Variants in LRRTM4 observed in about 807,000 individuals in gnomAD.
LRRTM4 encodes the protein leucine rich repeat transmembrane neuronal 4, also known as leucine-rich repeat transmembrane neuronal protein 4.
In LRRTM4, 25 loss-of-function variants were observed where a neutral mutation model predicts 47.6. The observed-to-expected ratio is 0.53, with a 90% CI of 0.38 to 0.73. The LOEUF (loss-of-function observed/expected upper bound fraction) is 0.73. Among genes scored for constraint, LRRTM4 ranks in the 30% least tolerant of loss-of-function variants. LRRTM4 has a pLI of 0.00. For synonymous variants in LRRTM4, 311 were observed against 269.5 expected, an observed-to-expected ratio of 1.15 and a Z score of -1.51; for missense variants, 638 against 713.4, an observed-to-expected ratio of 0.89 and a Z score of 1.20.
intron 3 of LRRTM4, among the ~76,000 whole-genome samples, chr2:76,996,672 G>A (rs911443263): frequency 5.3e-5 from 8 of 152,130 alleles, no homozygotes; most frequent in African/African-American, 1.9e-4. Context: ...ACAGTAGGAT[G>A]TTGGGAGGAA....
chr2:76,844,361 T>C (rs1478711741), intron 3 of LRRTM4, among the ~76,000 whole-genome samples: 1 of 152,132 alleles, frequency 6.6e-6, no homozygotes, highest in Non-Finnish European at 1.5e-5. Flanking sequence ...GGTCTCAATC[T>C]CCTGACCTTG....
At chr2:77,239,128 C>T (rs1259027365) in intron 3 of LRRTM4, among the ~76,000 whole-genome samples, 1 of 151,674 alleles carries the variant, frequency 6.6e-6, no homozygotes, top group African/African-American at 2.4e-5. Context: ...CTTGTAATCA[C>T]TCTAAATGTA....
intron 3 of LRRTM4, among the ~76,000 whole-genome samples, chr2:76,911,232 A>G (rs1368191479): frequency 6.6e-6 from 1 of 152,024 alleles, no homozygotes; most frequent in Non-Finnish European, 1.5e-5. Flanking sequence ...TTACAGATAG[A>G]CGTGTTGTGA....
At chr2:77,130,120 G>A (rs866081657) in intron 3 of LRRTM4, among the ~76,000 whole-genome samples, 5 of 152,284 alleles carry the variant, frequency 3.3e-5, no homozygotes, top group African/African-American at 1.2e-4. Flanking sequence ...CAAAGAATAT[G>A]AGTTATTTGC....
At chr2:76,763,856 A>G (rs1174854945) in intron 3 of LRRTM4, among the ~76,000 whole-genome samples, 1 of 152,186 alleles carries the variant, frequency 6.6e-6, no homozygotes, top group Non-Finnish European at 1.5e-5. Flanking sequence ...GCATGTTTAG[A>G]AACACCCCTT....
chr2:76,861,173 A>G (rs920564858), intron 3 of LRRTM4, among the ~76,000 whole-genome samples: 1 of 152,166 alleles, frequency 6.6e-6, no homozygotes, highest in Non-Finnish European at 1.5e-5. Flanking sequence ...TTACTTAGAC[A>G]GTGAAGTTAT....
rs1674160804 is a variant in LRRTM4 at position 77,207,362 on chromosome 2, TATATATATATACACACACA to T, written c.1551+310937_1551+310955del. ...TTTCATATATGTGTATATATATATA[TATATATATATACACACACA>T]CATATTTATATACACATATATATTT... is the stretch of plus-strand genomic sequence containing the variant. On this transcript the variant is annotated intron_variant, in intron 3 of 3. Transcript: ENST00000409884. 1.3e-4 allele frequency among the ~76,000 whole-genome samples: 18 copies of T among 136,604 alleles called. No individual in the cohort carries two copies. In the South Asian group the frequency reaches 3.2e-3, roughly 25 times the overall value. The allele number at this position is 136,604 out of a possible 152,430, so 89.6% of individuals were successfully genotyped here.
Position 77,427,748 on chromosome 2 carries a change from T to G in LRRTM4, c.1551+90570A>C, listed in dbSNP as rs182684866. ...GGGACATACAATCTTTACTTAGATC[T>G]TATAACCAAGGCTCCACTGAAGAGT... is the stretch of plus-strand genomic sequence containing the variant. On this transcript the variant is annotated intron_variant, in intron 3 of 3. Transcript: ENST00000409884. Among the ~76,000 whole-genome samples the G allele has an allele frequency of 3.5e-4, 53 of 152,356 alleles. 1 individual carries two copies. The East Asian group carries it at 7.9e-3, about 23-fold the overall frequency.
At position 77,084,829 on chromosome 2, in the gene LRRTM4, G is replaced by T. The variant is rs545334055; in HGVS notation, c.1552-335913C>A. Among the ~76,000 whole-genome samples the T allele has an allele frequency of 6.6e-5, 10 of 152,266 alleles. No individual in the cohort carries two copies. The East Asian group carries it at 1.9e-3, about 29-fold the overall frequency. ...CATGAAGTACTAACATTTATAAGTG[G>T]TAACAATTATAAGTGGTAGGAAAAG... On this transcript the variant is annotated intron_variant, in intron 3 of 3. Coordinates refer to ENST00000409884, the MANE Select transcript of LRRTM4 (RefSeq NM_001134745.3).
chr2:76,780,949 C>T (rs866423555), intron 3 of LRRTM4, among the ~76,000 whole-genome samples: 5 of 152,168 alleles, frequency 3.3e-5, no homozygotes, highest in African/African-American at 1.2e-4. Context: ...GTGTGGATGT[C>T]CTTTCTGTTT....
intron 3 of LRRTM4, among the ~76,000 whole-genome samples, chr2:77,111,053 T>G (rs2103933955): frequency 6.6e-6 from 1 of 152,256 alleles, no homozygotes; most frequent in East Asian, 1.9e-4. Context: ...AAGCAAGAAG[T>G]GGCTATTTGG....
At chr2:76,818,418 G>A (rs1670961638) in intron 3 of LRRTM4, among the ~76,000 whole-genome samples, 1 of 151,624 alleles carries the variant, frequency 6.6e-6, no homozygotes, top group South Asian at 2.1e-4. Context: ...CACAACCAGG[G>A]CTGAACACAT....
chr2:77,160,240 C>G (rs1311942323), intron 3 of LRRTM4, among the ~76,000 whole-genome samples: 1 of 152,174 alleles, frequency 6.6e-6, no homozygotes, highest in Non-Finnish European at 1.5e-5. Context: ...ATGGCTTTCA[C>G]AGACTTTTAT....
intron 3 of LRRTM4, among the ~76,000 whole-genome samples, chr2:77,167,447 A>C (rs565228098): frequency 3.3e-5 from 5 of 152,308 alleles, no homozygotes; most frequent in African/African-American, 1.2e-4. Flanking sequence ...CCATCCCATT[A>C]CTGGGTATAT....
chr2:77,495,399 T>C (rs765292945), intron 3 of LRRTM4, among the ~76,000 whole-genome samples: 1 of 151,788 alleles, frequency 6.6e-6, no homozygotes, highest in Non-Finnish European at 1.5e-5. Flanking sequence ...AGTTTTAACT[T>C]TAAGTCCAGT....
At chr2:77,459,958 C>T (rs1043164961) in intron 3 of LRRTM4, among the ~76,000 whole-genome samples, 2 of 150,054 alleles carry the variant, frequency 1.3e-5, no homozygotes, top group Non-Finnish European at 3.0e-5. Context: ...ATTACAATGC[C>T]ATTTCATCAA....
chr2:76,807,471 CAT>C lies in LRRTM4; in HGVS notation c.1552-58557_1552-58556del, dbSNP rs1553412706. On this transcript the variant is annotated intron_variant, in intron 3 of 3. Coordinates refer to ENST00000409884, the MANE Select transcript of LRRTM4 (RefSeq NM_001134745.3). ...ATATATATATATACATATATATATACATATATATATATATACATATATATATA... is the reference window on the plus strand; with the variant it reads ...ATATATATATATACATATATATATACATATATATATATACATATATATATA... 6.8e-3 allele frequency among the ~76,000 whole-genome samples: 667 copies of C among 97,420 alleles called. 10 individuals are homozygous for C. The highest frequency in any genetic ancestry group is 0.014 in the African/African-American group (250 of 18,372). 63.9% of individuals were successfully genotyped at this position (97,420 alleles called of 152,430 possible).
chr2:77,191,565 A>G (rs1673670256), intron 3 of LRRTM4, among the ~76,000 whole-genome samples: 2 of 151,908 alleles, frequency 1.3e-5, no homozygotes, highest in Non-Finnish European at 2.9e-5. Flanking sequence ...AAAATTTTAA[A>G]TTAAAACTCT....
chr2:77,195,157 T>C (rs1029661484), intron 3 of LRRTM4, among the ~76,000 whole-genome samples: 4 of 151,936 alleles, frequency 2.6e-5, no homozygotes, highest in Non-Finnish European at 5.9e-5. Flanking sequence ...TTTTGAATTA[T>C]TTAAAATAAA....
Sources: gnomAD v4.1 joint callset for allele counts (sites outside exome capture counted in the v4.1 genomes callset) on GRCh38, gnomAD v4.1.1 for gene constraint, MANE v1.5 for transcripts, NCBI Gene and HGNC (gene_info 2026-07-23, HGNC 2026-07-21) for gene names.